EHBP1: variants seen among roughly 807,000 people sequenced by gnomAD.
EHBP1 encodes the protein EH domain-binding protein 1.
A neutral mutation model predicts 144.0 loss-of-function variants in EHBP1; 55 were observed. That is an observed-to-expected ratio of 0.38 (90% CI 0.31 to 0.48). EHBP1 has a LOEUF of 0.48. EHBP1 is among the 20% of genes least tolerant of loss of function. EHBP1 has a pLI of 0.98. For synonymous variants in EHBP1, 469 were observed against 472.7 expected (o/e 0.99, Z 0.10); for missense variants, 1,200 against 1,364.2 (o/e 0.88, Z 1.90).
chr2:62,854,449 A>G (rs193252443), intron 7 of EHBP1, among the ~76,000 whole-genome samples: 1 of 152,332 alleles, frequency 6.6e-6, no homozygotes, highest in African/African-American at 2.4e-5. Flanking sequence ...AATCATTTCT[A>G]GCTTTTCATT....
At chr2:62,698,139 T>C (rs1161599077) in intron 1 of EHBP1, among the ~76,000 whole-genome samples, 1 of 152,240 alleles carries the variant, frequency 6.6e-6, no homozygotes, top group Admixed American at 6.5e-5. Context: ...AGAGTGTTAT[T>C]ACAAGAATAA....
intron 5 of EHBP1, among the ~76,000 whole-genome samples, chr2:62,774,137 A>G (rs550965989): frequency 3.3e-5 from 5 of 151,968 alleles, no homozygotes; most frequent in Non-Finnish European, 5.9e-5. Flanking sequence ...TTGGGAGGCC[A>G]AGGCGGGTGG....
chr2:62,698,170 A>G (rs1482071784), intron 1 of EHBP1, among the ~76,000 whole-genome samples: 1 of 152,236 alleles, frequency 6.6e-6, no homozygotes, highest in African/African-American at 2.4e-5. Flanking sequence ...ACAGTTAACA[A>G]TATGCCTCCT....
At chr2:62,915,498 T>C (rs1393486500) in intron 10 of EHBP1, among the ~76,000 whole-genome samples, 1 of 152,100 alleles carries the variant, frequency 6.6e-6, no homozygotes, top group Non-Finnish European at 1.5e-5. Context: ...GAAAAAGATA[T>C]GCTGAATAAG....
intron 10 of EHBP1, among the ~76,000 whole-genome samples, chr2:62,875,723 A>G (rs773771689): frequency 1.3e-5 from 2 of 152,226 alleles, no homozygotes; most frequent in Non-Finnish European, 2.9e-5. Context: ...GTTGAAATGT[A>G]ATCCAAGGAA....
upstream of EHBP1, among the ~76,000 whole-genome samples, chr2:62,703,018 T>A (rs2034322883): frequency 6.6e-6 from 1 of 151,994 alleles, no homozygotes; most frequent in East Asian, 1.9e-4. Context: ...GTAACTTTTA[T>A]GTACTATTGG....
At chr2:62,930,217 C>T (rs1424517346) in intron 10 of EHBP1, among the ~76,000 whole-genome samples, 1 of 152,150 alleles carries the variant, frequency 6.6e-6, no homozygotes, top group African/African-American at 2.4e-5. Flanking sequence ...TGCTGCACTT[C>T]AGCCTGGGCA....
At chr2:63,001,766 A>G (rs915234263) in intron 19 of EHBP1, among the ~76,000 whole-genome samples, 1 of 152,176 alleles carries the variant, frequency 6.6e-6, no homozygotes. Flanking sequence ...AGTTAGACCC[A>G]GTCTGATGGC....
chr2:62,986,936 T>C (rs559816915), intron 15 of EHBP1, among the ~76,000 whole-genome samples: 2 of 152,192 alleles, frequency 1.3e-5, no homozygotes, highest in African/African-American at 2.4e-5. Flanking sequence ...GAATTATCAA[T>C]TGGAAAAAAA....
At chr2:62,830,381 C>T (rs1421455046) in intron 6 of EHBP1, among the ~76,000 whole-genome samples, 1 of 151,996 alleles carries the variant, frequency 6.6e-6, no homozygotes, top group African/African-American at 2.4e-5. Context: ...TGATCACCTG[C>T]CTCGGCCTCC....
intron 19 of EHBP1, among the ~76,000 whole-genome samples, chr2:63,000,599 A>G (rs1036884273): frequency 1.3e-5 from 2 of 152,128 alleles, no homozygotes; most frequent in Non-Finnish European, 2.9e-5. Flanking sequence ...CGGGAAGCTG[A>G]GGCAGGATAA....
intron 19 of EHBP1, among the ~76,000 whole-genome samples, chr2:63,029,950 C>G (rs1156886003): frequency 1.3e-5 from 2 of 151,486 alleles, no homozygotes; most frequent in African/African-American, 4.9e-5. Flanking sequence ...AGGCTGGTCT[C>G]AAACTCCTGA....
intron 9 of EHBP1, among the ~76,000 whole-genome samples, chr2:62,872,864 A>C (rs1351357507): frequency 6.6e-6 from 1 of 152,126 alleles, no homozygotes; most frequent in Non-Finnish European, 1.5e-5. Context: ...CATTCTTGAA[A>C]AGTAGGGAAT....
chr2:62,713,277 G>A (rs1379038890), intron 2 of EHBP1, among the ~76,000 whole-genome samples: 2 of 147,994 alleles, frequency 1.4e-5, no homozygotes, highest in Non-Finnish European at 3.0e-5. Context: ...TTTTGAGACA[G>A]AGTCACACTC....
At chr2:63,038,529 C>T (rs2153365678) in intron 20 of EHBP1, among the ~76,000 whole-genome samples, 1 of 152,060 alleles carries the variant, frequency 6.6e-6, no homozygotes, top group East Asian at 1.9e-4. Flanking sequence ...TAAAATATAC[C>T]TATGTAACAT....
chr2:62,748,664 C>G (rs2039383076), intron 3 of EHBP1, among the ~76,000 whole-genome samples: 1 of 151,902 alleles, frequency 6.6e-6, no homozygotes, highest in African/African-American at 2.4e-5. Flanking sequence ...TCTCTAAAAA[C>G]AAAATTCTGT....
Position 62,988,847 on chromosome 2 carries a change from G to C in EHBP1, c.2609-1869G>C, listed in dbSNP as rs75551397. ...TAATATTTATCTTTTCCTGTAAAAA[G>C]CTAAAGGGAGTGAGAGCAAGCATAC... On this transcript the variant is annotated intron_variant, in intron 15 of 22. Transcript: ENST00000431489. 3.2e-3 allele frequency among the ~76,000 whole-genome samples: 489 copies of C among 152,252 alleles called. 3 individuals carry two copies. Among genetic ancestry groups the C allele is most frequent in the African/African-American group, 0.011 (462 of 41,570 alleles).
At chr2:62,917,383 C>G (rs990035900) in intron 10 of EHBP1, among the ~76,000 whole-genome samples, 2 of 152,102 alleles carry the variant, frequency 1.3e-5, no homozygotes, top group Non-Finnish European at 2.9e-5. Context: ...TATATGTAAT[C>G]TGTCATTGAC....
At position 63,016,555 on chromosome 2, in the gene EHBP1, C is replaced by G. The variant is rs566404755; in HGVS notation, c.3103+19789C>G. ...AAGTGATTCTCCCACCTCAGCCCCC[C>G]GAGTACCTGGGATTACAGGTACCCA... On this transcript the variant is annotated intron_variant, in intron 19 of 22. Coordinates refer to ENST00000431489, the MANE Select transcript of EHBP1 (RefSeq NM_001142616.3). Among the ~76,000 whole-genome samples, 3 of 151,850 alleles carry G rather than the reference C, an allele frequency of 2.0e-5. No individual in the cohort carries two copies. In the East Asian group the frequency reaches 5.8e-4, roughly 29 times the overall value.
Sources: allele counts gnomAD v4.1 joint callset (sites outside exome capture counted in the v4.1 genomes callset), GRCh38; gene constraint gnomAD v4.1.1; transcripts MANE v1.5; gene names NCBI Gene and HGNC (gene_info 2026-07-23, HGNC 2026-07-21).